ZSWIM5: variants seen among roughly 807,000 people sequenced by gnomAD.
ZSWIM5 encodes zinc finger SWIM domain-containing protein 5.
In ZSWIM5, 55 loss-of-function variants were observed where a neutral mutation model predicts 119.6. That is an observed-to-expected ratio of 0.46 (90% confidence interval 0.37 to 0.58). The LOEUF is 0.58. Among genes scored for constraint, ZSWIM5 ranks in the 20% least tolerant of loss-of-function variants. The pLI is 0.00. For synonymous variants in ZSWIM5, 537 were observed against 606.9 expected, an observed-to-expected ratio of 0.88 and a Z score of 1.69; for missense variants, 1,193 against 1,512.8, an observed-to-expected ratio of 0.79 and a Z score of 3.51.
chr1:45,087,833 T>C lies in ZSWIM5; in HGVS notation c.952+48A>G, dbSNP rs774859381. 118 of 1,363,052 alleles carry C rather than the reference T, an allele frequency of 8.7e-5. No homozygotes were observed. The South Asian group carries it at 1.1e-3, about 13-fold the overall frequency. 84.4% of individuals were successfully genotyped at this position (1,363,052 alleles called of 1,614,324 possible). A position where few individuals can be genotyped will look rare whatever the true frequency, so the allele number is the denominator to read the frequency against. On this transcript the variant is annotated intron_variant, in intron 2 of 13. Coordinates refer to ENST00000359600, the MANE Select transcript of ZSWIM5 (RefSeq NM_020883.2). ...GGTAAGAGGGTTGCTTTGGTGACAG[T>C]GGTGATGAAAAAGACCTTTTTTTTC... is the stretch of plus-strand genomic sequence containing the variant.
Position 45,206,575 on chromosome 1 carries a change from G to T in ZSWIM5, c.-225C>A. 1.0e-6 allele frequency: 1 copy of T among 986,424 alleles called. No individual in the cohort carries two copies. Among genetic ancestry groups the T allele is most frequent in the Non-Finnish European group, 1.2e-6 (1 of 829,412 alleles). The allele number at this position is 986,424 out of a possible 1,614,324, so 61.1% of individuals were successfully genotyped here. A position where few individuals can be genotyped will look rare whatever the true frequency, so the allele number is the denominator to read the frequency against. The stretch of plus-strand genomic sequence containing the variant: ...CCTGCAGGGTAGCGTGAGGCGGCGC[G>T]CGGTGTCCTGGCCGCCGCGGACGCG... On this transcript the variant is annotated 5_prime_UTR_variant, in exon 1 of 14. Transcript: ENST00000359600.
chr1:45,182,047 C>T (rs568230709), intron 1 of ZSWIM5, among the ~76,000 whole-genome samples: 22 of 152,098 alleles, frequency 1.4e-4, no homozygotes, highest in African/African-American at 5.1e-4. Context: ...AACCAGCTAA[C>T]ATCATAATGA....
intron 2 of ZSWIM5, among the ~76,000 whole-genome samples, chr1:45,083,985 C>G (rs1645309515): frequency 6.6e-6 from 1 of 152,088 alleles, no homozygotes; most frequent in South Asian, 2.1e-4. Context: ...TTTTGGTTCA[C>G]TGCAATCTCT....
chr1:45,044,506 G>C (rs1484345815), intron 5 of ZSWIM5, among the ~76,000 whole-genome samples: 9 of 150,206 alleles, frequency 6.0e-5, no homozygotes, highest in Admixed American at 2.0e-4. Context: ...GGCGGATCAT[G>C]AGGTCAGGAG....
At chr1:45,196,879 G>A (rs1646128956) in intron 1 of ZSWIM5, among the ~76,000 whole-genome samples, 1 of 152,110 alleles carries the variant, frequency 6.6e-6, no homozygotes, top group Non-Finnish European at 1.5e-5. Context: ...AATCTCCCAA[G>A]ATGAATCCTG....
intron 1 of ZSWIM5, among the ~76,000 whole-genome samples, chr1:45,151,602 T>C (rs1425842398): frequency 1.3e-5 from 2 of 151,898 alleles, no homozygotes; most frequent in Non-Finnish European, 2.9e-5. Context: ...ATAGGACATA[T>C]AACAGGGATA....
intron 1 of ZSWIM5, among the ~76,000 whole-genome samples, chr1:45,107,990 C>A (rs1159288914): frequency 6.6e-6 from 1 of 152,038 alleles, no homozygotes; most frequent in Non-Finnish European, 1.5e-5. Flanking sequence ...GAGATGGGAT[C>A]TCACTATATT....
At chr1:45,070,108 T>C in intron 2 of ZSWIM5, 1 of 1,005,276 alleles carries the variant, frequency 9.9e-7, no homozygotes. Flanking sequence ...TTTGGTGCAT[T>C]CGATCAGTCC....
rs1645120075 is a variant in ZSWIM5, at chr1:45,056,154, A to T, written c.1252+2455T>A. On this transcript the variant is annotated intron_variant, in intron 4 of 13. Transcript: ENST00000359600. Reference sequence around the variant, plus strand: ...AAACCCAACTGGAGTGGGCTCAAGAAAGAATGGAGGGGAGCAAATGGAAAG... The same window carrying T: ...AAACCCAACTGGAGTGGGCTCAAGATAGAATGGAGGGGAGCAAATGGAAAG... 2.0e-5 allele frequency among the ~76,000 whole-genome samples: 3 copies of T among 152,214 alleles called. No homozygotes were observed. The South Asian group carries it at 6.2e-4, about 32-fold the overall frequency.
At chr1:45,184,372 C>A (rs1482006537) in intron 1 of ZSWIM5, among the ~76,000 whole-genome samples, 2 of 152,166 alleles carry the variant, frequency 1.3e-5, no homozygotes, top group African/African-American at 4.8e-5. Context: ...CACTCCTATT[C>A]AACACAGTGC....
At chr1:45,176,146 A>ATT (rs1557789147) in intron 1 of ZSWIM5, among the ~76,000 whole-genome samples, 2 of 148,412 alleles carry the variant, frequency 1.3e-5, no homozygotes, top group Non-Finnish European at 3.0e-5. Context: ...ATATATATAT[A>ATT]ATATATATTA....
At chr1:45,128,968 A>G (rs984986201) in intron 1 of ZSWIM5, among the ~76,000 whole-genome samples, 1 of 152,096 alleles carries the variant, frequency 6.6e-6, no homozygotes, top group Non-Finnish European at 1.5e-5. Context: ...ATGGCTTGAC[A>G]GCTCTTTTTA....
At chr1:45,099,329 C>T (rs1645423388) in intron 1 of ZSWIM5, among the ~76,000 whole-genome samples, 1 of 152,188 alleles carries the variant, frequency 6.6e-6, no homozygotes, top group African/African-American at 2.4e-5. Flanking sequence ...GACACATACA[C>T]CTTCCCAAGA....
At chr1:45,047,298 C>T (rs1325084580) in intron 5 of ZSWIM5, among the ~76,000 whole-genome samples, 1 of 151,904 alleles carries the variant, frequency 6.6e-6, no homozygotes, top group Admixed American at 6.6e-5. Flanking sequence ...CTAGATTTAG[C>T]AACAGTTAGC....
At chr1:45,073,817 T>C (rs1395109386) in intron 2 of ZSWIM5, among the ~76,000 whole-genome samples, 1 of 151,896 alleles carries the variant, frequency 6.6e-6, no homozygotes, top group African/African-American at 2.4e-5. Context: ...TTCCAGATCT[T>C]AGAGGAAAGG....
Position 45,058,571 on chromosome 1 carries a change from G to T in ZSWIM5, c.1252+38C>A. ...AAACACTGTTGCCACAGGGCAAGAT[G>T]GTAGAACAAAGCACTTCTCTGAATG... On this transcript the variant is annotated intron_variant, in intron 4 of 13. Coordinates refer to ENST00000359600, the MANE Select transcript of ZSWIM5 (RefSeq NM_020883.2). 3 of 1,612,600 alleles carry T rather than the reference G, an allele frequency of 1.9e-6. 1 individual carries two copies. In the African/African-American group the frequency reaches 4.0e-5, roughly 21 times the overall value.
intron 1 of ZSWIM5, among the ~76,000 whole-genome samples, chr1:45,104,696 C>A (rs542651524): frequency 6.6e-6 from 1 of 152,234 alleles, no homozygotes; most frequent in African/African-American, 2.4e-5. Context: ...TAGAGGTCAC[C>A]CTAAGCTTCT....
At chr1:45,183,458 G>C (rs1331821428) in intron 1 of ZSWIM5, among the ~76,000 whole-genome samples, 1 of 152,068 alleles carries the variant, frequency 6.6e-6, no homozygotes, top group Non-Finnish European at 1.5e-5. Context: ...ATGAATCCAG[G>C]AGCTGGTTTT....
intron 8 of ZSWIM5, among the ~76,000 whole-genome samples, chr1:45,037,276 A>G (rs566389595): frequency 6.6e-6 from 1 of 150,440 alleles, no homozygotes; most frequent in Non-Finnish European, 1.5e-5. Flanking sequence ...ACACCCAGCT[A>G]ATTTTTATAT....
Sources: gnomAD v4.1 joint callset for allele counts (sites outside exome capture counted in the v4.1 genomes callset) on GRCh38, gnomAD v4.1.1 for gene constraint, MANE v1.5 for transcripts, NCBI Gene and HGNC (gene_info 2026-07-23, HGNC 2026-07-21) for gene names.